METTL13: variants seen among roughly 807,000 people sequenced by gnomAD.
METTL13 encodes methyltransferase 13, eEF1A N-terminus and K55.
Under a neutral mutation model 67.4 loss-of-function variants are expected in METTL13, and 52 were observed. The ratio of observed to expected loss-of-function variants is 0.77; its 90% CI spans 0.62 to 0.97. METTL13 has a LOEUF of 0.97. METTL13 is among the 50% of genes least tolerant of loss of function. The pLI is 0.00. For missense variants in METTL13, 825 were observed against 889.6 expected (o/e 0.93, Z 0.92); for synonymous variants, 354 against 353.6 (o/e 1.00, Z -0.01).
chr1:171,796,643 C>G lies in METTL13; in HGVS notation c.1987C>G (p.Pro663Ala). The G allele has an allele frequency of 6.2e-7, 1 of 1,614,192 alleles. No individual in the cohort carries two copies. The change falls in exon 8 of 8, where the codon CCA (proline) becomes GCA (alanine). Residue 663 changes from proline to alanine, a missense_variant. Pro to Ala is a conservative substitution (Grantham distance 27). Coordinates refer to ENST00000361735, the MANE Select transcript of METTL13 (RefSeq NM_015935.5). The part of the protein sequence containing the change: ...QLHPEQKLAT[P>A]ELLETAQALE... ...GCACCCTGAGCAAAAACTTGCCACA[C>G]CAGAGCTCCTAGAAACAGCCCAGGC...
At position 171,785,881 on chromosome 1, in the gene METTL13, C is replaced by T. The variant is rs1558130135; in HGVS notation, c.916C>T (p.Pro306Ser). ...TGTAACCAAGTTCTTTTTTCTAGTC[C>T]CTCAGGGCCGGGAGACCGAGTGGCT... ...RDNHFAIFII[P>S]QGRETEWLFG... Residue 306 changes from proline (P) to serine (S), a missense_variant and splice_region_variant, in exon 3 of 8, where the codon CCT becomes TCT. Pro to Ser is a moderately conservative substitution (Grantham distance 74). Coordinates refer to ENST00000361735, the MANE Select transcript of METTL13 (RefSeq NM_015935.5). 2 of 1,612,384 alleles carry T rather than the reference C, an allele frequency of 1.2e-6. No individual in the cohort carries two copies. Among genetic ancestry groups the T allele is most frequent in the Non-Finnish European group, 1.7e-6 (2 of 1,179,888 alleles).
In METTL13 at chr1:171,794,537, A is replaced by G; in HGVS notation, c.1825+10A>G. ...ATCTTGACTCCTGAAGGTATGGAGA[A>G]CAAAAGGTGGGAGAGGGAGGAGAGA... On this transcript the variant is annotated intron_variant, in intron 7 of 7. Transcript: ENST00000361735. 6.2e-7 allele frequency: 1 copy of G among 1,614,160 alleles called. No individual in the cohort carries two copies. The highest frequency in any genetic ancestry group is 8.5e-7 in the Non-Finnish European group (1 of 1,180,000).
Position 171,781,718 on chromosome 1 carries a change from A to C in METTL13, c.-250A>C. 1.6e-6 allele frequency: 2 copies of C among 1,249,826 alleles called. No individual in the cohort carries two copies. Among genetic ancestry groups the C allele is most frequent in the Non-Finnish European group, 2.1e-6 (2 of 971,764 alleles). The allele number at this position is 1,249,826 out of a possible 1,614,324, so 77.4% of individuals were successfully genotyped here. ...TCGGGAAAAGTGTGAGGGGCTCTTC[A>C]CGTGGGGAAGGAACAGCAGGCGCGG... On this transcript the variant is annotated 5_prime_UTR_variant, in exon 1 of 8. Transcript: ENST00000361735.
At chr1:171,790,777 C>A in intron 5 of METTL13, 161 bp downstream of exon 5, 1 of 732,666 alleles carries the variant, frequency 1.4e-6, no homozygotes, top group Non-Finnish European at 2.0e-6. Flanking sequence ...TTCTAATTAA[C>A]TGTTGCCTCA....
intron 4 of METTL13, among the ~76,000 whole-genome samples, chr1:171,789,656 C>T (rs749834963): frequency 1.3e-5 from 2 of 152,106 alleles, no homozygotes; most frequent in African/African-American, 4.8e-5. Flanking sequence ...GTAACTTTAC[C>T]TTTCTTTAAA....
At chr1:171,792,283 G>A (rs760962539) in intron 6 of METTL13, 48 bp downstream of exon 6, 20 of 1,603,244 alleles carry the variant, frequency 1.2e-5, no homozygotes, top group Admixed American at 3.3e-5. Context: ...TGATTGATGC[G>A]ACATTGTCAG....
Position 171,784,405 on chromosome 1 carries a change from C to T in METTL13, c.819C>T (p.Cys273=), listed in dbSNP as rs200377798. ...TGGGGAGTGTGTCTCTGGACTTGTG[C>T]GATGGGGACACGGGGGAGCCACGCT... is the stretch of plus-strand genomic sequence containing the variant. ...ARLGSVSLDL[C]DGDTGEPRYT... is the part of the protein sequence containing the mutation. Residue 273 remains cysteine, a synonymous_variant, in exon 2 of 8, where the codon TGC becomes TGT. Transcript: ENST00000361735. 2.6e-5 allele frequency: 40 copies of T among 1,554,032 alleles called. No homozygotes were observed. The East Asian group carries it at 3.4e-4, about 13-fold the overall frequency.
Position 171,787,725 on chromosome 1 carries a change from G to T in METTL13, c.1114-10G>T, listed in dbSNP as rs760202795. The stretch of plus-strand genomic sequence containing the variant: ...TGCTGTTTTGACCACATCTCTGGTT[G>T]TACCTTCAGGTCCCCTTTCTGTCTG... On this transcript the variant is annotated splice_polypyrimidine_tract_variant and intron_variant, in intron 3 of 7. Coordinates refer to ENST00000361735, the MANE Select transcript of METTL13 (RefSeq NM_015935.5). 2 of 1,607,920 alleles carry T rather than the reference G, an allele frequency of 1.2e-6. No individual in the cohort carries two copies. Among genetic ancestry groups the T allele is most frequent in the Admixed American group, 3.3e-5 (2 of 59,822 alleles).
In METTL13 at chr1:171,787,815, T is replaced by C; in HGVS notation, c.1194T>C (p.Tyr398=). ...ACTGCAGCCCCTTGAGCGGTGACTA[T>C]GTCATTGAGGATGTGCAAGGGGATG... The part of the protein sequence containing the change: ...HQDCSPLSGD[Y]VIEDVQGDDK... Residue 398 remains tyrosine, a synonymous_variant, in exon 4 of 8, where the codon TAT becomes TAC. Coordinates refer to ENST00000361735, the MANE Select transcript of METTL13 (RefSeq NM_015935.5). The C allele has an allele frequency of 1.2e-6, 2 of 1,614,168 alleles. No individual in the cohort carries two copies. The highest frequency in any genetic ancestry group is 1.7e-6 in the Non-Finnish European group (2 of 1,180,028).
chr1:171,794,412 T>A lies in METTL13; in HGVS notation c.1710T>A (p.Asp570Glu), dbSNP rs536300094. ...TTTTCCCAGCACGGCCTTGCTACGA[T>A]GTCATAATGTTTGATGTTGACAGTA... is the stretch of plus-strand genomic sequence containing the variant. ...AGGGEARPCYDVIMFDVDSKD... is the reference protein window; with the variant it reads ...AGGGEARPCYEVIMFDVDSKD... Residue 570 changes from aspartate (D) to glutamate (E), a missense_variant, in exon 7 of 8, where the codon GAT becomes GAA. Asp to Glu is a conservative substitution (Grantham distance 45, BLOSUM62 2). Coordinates refer to ENST00000361735, the MANE Select transcript of METTL13 (RefSeq NM_015935.5). The A allele has an allele frequency of 1.9e-6, 3 of 1,614,202 alleles. No individual in the cohort carries two copies. Among genetic ancestry groups the A allele is most frequent in the African/African-American group, 2.7e-5 (2 of 75,058 alleles).
intron 2 of METTL13, among the ~76,000 whole-genome samples, chr1:171,784,798 A>G (rs868061375): frequency 3.3e-5 from 5 of 152,220 alleles, no homozygotes; most frequent in Admixed American, 2.0e-4. Context: ...AGATAAATTT[A>G]GGAGGTCACA....
intron 6 of METTL13, among the ~76,000 whole-genome samples, chr1:171,792,446 C>A (rs901676215): frequency 1.3e-5 from 2 of 152,224 alleles, no homozygotes; most frequent in Non-Finnish European, 2.9e-5. Context: ...ATAAGTAAAA[C>A]AGGCCATTCC....
chr1:171,791,683 C>T (rs889866066), intron 5 of METTL13, among the ~76,000 whole-genome samples: 9 of 152,070 alleles, frequency 5.9e-5, no homozygotes, highest in Admixed American at 2.6e-4. Context: ...AGGCTGGTCT[C>T]GAACTCCTGA....
intron 4 of METTL13, among the ~76,000 whole-genome samples, chr1:171,788,701 C>T (rs1486149207): frequency 1.3e-5 from 2 of 152,170 alleles, no homozygotes; most frequent in Non-Finnish European, 2.9e-5. Flanking sequence ...CTTCAAAAGT[C>T]AAATATAGAC....
chr1:171,782,172 T>TA (rs1490469513), intron 1 of METTL13, 52 bp downstream of exon 1: 1 of 1,510,324 alleles, frequency 6.6e-7, no homozygotes, highest in Non-Finnish European at 9.2e-7. Context: ...AGGTGGGAAC[T>TA]GGTAACAGGA....
Position 171,783,987 on chromosome 1 carries a change from A to G in METTL13, c.401A>G (p.Lys134Arg), listed in dbSNP as rs1656912643. 1 of 1,614,134 alleles carries G rather than the reference A, an allele frequency of 6.2e-7. No individual in the cohort carries two copies. The highest frequency in any genetic ancestry group is 1.7e-5 in the Admixed American group (1 of 60,008). Residue 134 changes from lysine (K) to arginine (R), a missense_variant, in exon 2 of 8, where the codon AAG becomes AGG. By Grantham distance (26) the Lys-to-Arg change is conservative. Transcript: ENST00000361735. ...LDAVLTDEEE[K>R]TLQQVDRMLA... is the part of the protein sequence containing the mutation. The stretch of plus-strand genomic sequence containing the variant: ...GCTGTCCTGACAGATGAGGAAGAGA[A>G]GACCTTACAACAGGTGGACAGGATG...
chr1:171,784,601 A>G (rs1571164113), intron 2 of METTL13, 102 bp downstream of exon 2: 1 of 1,351,694 alleles, frequency 7.4e-7, no homozygotes, highest in Non-Finnish European at 9.6e-7. Flanking sequence ...CTTTGGTGGG[A>G]TTCTGGACTG....
At chr1:171,785,721 C>G (rs1441634403) in intron 2 of METTL13, among the ~76,000 whole-genome samples, 158 bp from the exon 3 acceptor site, 1 of 152,162 alleles carries the variant, frequency 6.6e-6, no homozygotes, top group Non-Finnish European at 1.5e-5. Context: ...CTGCTTTGCC[C>G]TAGATGTTGT....
At position 171,785,877 on chromosome 1, in the gene METTL13, A is replaced by G; in HGVS notation, c.914-2A>G. The G allele has an allele frequency of 1.2e-6, 2 of 1,611,946 alleles. No individual in the cohort carries two copies. The highest frequency in any genetic ancestry group is 1.7e-6 in the Non-Finnish European group (2 of 1,179,808). Reference sequence around the variant, plus strand: ...TCCCTGTAACCAAGTTCTTTTTTCTAGTCCCTCAGGGCCGGGAGACCGAGT... The same window carrying G: ...TCCCTGTAACCAAGTTCTTTTTTCTGGTCCCTCAGGGCCGGGAGACCGAGT... On this transcript the variant is annotated splice_acceptor_variant, in intron 2 of 7. Coordinates refer to ENST00000361735, the MANE Select transcript of METTL13 (RefSeq NM_015935.5). LOFTEE classifies it high-confidence loss of function.
Sources: gnomAD v4.1 joint callset for allele counts (sites outside exome capture counted in the v4.1 genomes callset) on GRCh38, gnomAD v4.1.1 for gene constraint, MANE v1.5 for transcripts, NCBI Gene and HGNC (gene_info 2026-07-23, HGNC 2026-07-21) for gene names.